CAD: variants seen among roughly 807,000 people sequenced by gnomAD.
The protein encoded by CAD is multifunctional protein CAD.
CAD carries 81 observed loss-of-function variants against 237.2 expected under a neutral mutation model. The ratio of observed to expected loss-of-function variants is 0.34; its 90% CI spans 0.29 to 0.41. CAD has a LOEUF of 0.41. Ranked by LOEUF, CAD falls within the 10% of genes least tolerant of loss-of-function variation. The pLI, the probability that CAD is intolerant of heterozygous loss-of-function variation, is 1.00. For synonymous variants in CAD, 1,196 were observed against 1,162.8 expected (o/e 1.03, Z -0.58); for missense variants, 2,181 against 2,951.7 (o/e 0.74, Z 6.05).
chr2:27,222,452 T>C, intron 4 of CAD, 67 bp from the exon 5 acceptor site: 4 of 1,560,676 alleles, frequency 2.6e-6, no homozygotes, highest in Non-Finnish European at 3.5e-6. Context: ...TAGGAGTTGG[T>C]GCAGGCATAT....
Position 27,233,559 on chromosome 2 carries a change from AC to A in CAD, c.3216+26del. On this transcript the variant is annotated intron_variant, in intron 20 of 43. Transcript: ENST00000264705. The surrounding 1 kb of genome is among the most constrained non-coding windows in gnomAD (Gnocchi z 6.3). ...GAGGTGGGCTGGGACCTGGTGGGTT[AC>A]CCGGAGGCTGGATGATGCTTGGGGG... 6.2e-7 allele frequency: 1 copy of A among 1,613,764 alleles called. No homozygotes were observed. Among genetic ancestry groups the A allele is most frequent in the Non-Finnish European group, 8.5e-7 (1 of 1,179,690 alleles).
At chr2:27,225,340 CTT>C in intron 11 of CAD, 97 bp downstream of exon 11, 1 of 687,268 alleles carries the variant, frequency 1.5e-6, no homozygotes, top group Non-Finnish European at 2.3e-6. Flanking sequence ...GAGTTTCGCT[CTT>C]GTTGCGCAGG....
intron 22 of CAD, 63 bp from the exon 23 acceptor site, chr2:27,234,455 G>C: frequency 4.6e-6 from 7 of 1,506,200 alleles, no homozygotes; most frequent in Non-Finnish European, 6.4e-6. Flanking sequence ...GAAGAGTCTA[G>C]GCCTATAGAT....
chr2:27,225,664 T>C (rs2148065874), intron 11 of CAD, 41 bp from the exon 12 acceptor site: 2 of 1,440,084 alleles, frequency 1.4e-6, no homozygotes, highest in Non-Finnish European at 2.0e-6. Flanking sequence ...CCTTGGACAG[T>C]AGGAAATAAC....
Position 27,217,436 on chromosome 2 carries a change from C to T in CAD, c.-116C>T, listed in dbSNP as rs1407236290. ...TGCCGCGCCCGGCTTCTCTCCAGCGCCCCGCGCCGTTAGCCACGTGGACCG... is the reference window on the plus strand; with the variant it reads ...TGCCGCGCCCGGCTTCTCTCCAGCGTCCCGCGCCGTTAGCCACGTGGACCG... On this transcript the variant is annotated 5_prime_UTR_variant, in exon 1 of 44. Transcript: ENST00000264705. The T allele has an allele frequency of 6.6e-6, 6 of 908,412 alleles. No individual in the cohort carries two copies. The highest frequency in any genetic ancestry group is 6.0e-5 in the Admixed American group (3 of 49,688). 56.3% of individuals were successfully genotyped at this position (908,412 alleles called of 1,614,324 possible).
In CAD at chr2:27,237,933, G is replaced by T. The variant is rs369275543; in HGVS notation, c.4728+51G>T. The T allele has an allele frequency of 1.3e-6, 2 of 1,576,266 alleles. No homozygotes were observed. Among genetic ancestry groups the T allele is most frequent in the African/African-American group, 2.7e-5 (2 of 74,172 alleles). On this transcript the variant is annotated intron_variant, in intron 29 of 43. Coordinates refer to ENST00000264705, the MANE Select transcript of CAD (RefSeq NM_004341.5). The surrounding 1 kb of genome is among the most constrained non-coding windows in gnomAD (Gnocchi z 4.0). The stretch of plus-strand genomic sequence containing the variant: ...GCCACCACCCAGTGTCTCCTGGCTT[G>T]TGGGCCCCTGCCTAAGTGGGCTGGT...
chr2:27,226,451 A>G, intron 13 of CAD, 74 bp from the exon 14 acceptor site: 2 of 1,570,970 alleles, frequency 1.3e-6, no homozygotes, highest in Non-Finnish European at 8.7e-7. Context: ...TTACTAGGTT[A>G]CTTTTCTCTC....
chr2:27,223,628 C>G lies in CAD; in HGVS notation c.875C>G (p.Ser292Cys). The change falls in exon 7 of 44, where the codon TCC becomes TGC. Residue 292 changes from serine (S) to cysteine (C), a missense_variant. By Grantham distance (112) the Ser-to-Cys change is moderately radical. Coordinates refer to ENST00000264705, the MANE Select transcript of CAD (RefSeq NM_004341.5). ...GGCTCTGGGCGCTGCTTTCTGACAT[C>G]CCAGAACCATGGGTTTGCTGTGGAG... ...LVGSGRCFLT[S>C]QNHGFAVETD... 1 of 1,613,998 alleles carries G rather than the reference C, an allele frequency of 6.2e-7. No individual in the cohort carries two copies. The highest frequency in any genetic ancestry group is 8.5e-7 in the Non-Finnish European group (1 of 1,180,028).
At position 27,224,000 on chromosome 2, in the gene CAD, C is replaced by T. The variant is rs1360559214; in HGVS notation, c.1079C>T (p.Ala360Val). The T allele has an allele frequency of 3.7e-6, 6 of 1,613,440 alleles. No homozygotes were observed. In the Admixed American group the frequency reaches 1.0e-4, roughly 27 times the overall value. Reference sequence around the variant, plus strand: ...ATCTTTCTGGAAACTGTGAAAGAGGCCACAGCTGGGAACCCTGGGGGCCAG... The same window carrying T: ...ATCTTTCTGGAAACTGTGAAAGAGGTCACAGCTGGGAACCCTGGGGGCCAG... ...FDIFLETVKEATAGNPGGQTV... is the reference protein window; with the variant it reads ...FDIFLETVKEVTAGNPGGQTV... Residue 360 changes from alanine (A) to valine (V), a missense_variant, in exon 8 of 44, where the codon GCC (alanine) becomes GTC (valine). By Grantham distance (64) the Ala-to-Val change is moderately conservative. Coordinates refer to ENST00000264705, the MANE Select transcript of CAD (RefSeq NM_004341.5).
chr2:27,224,211 G>A (rs544296506), intron 8 of CAD, 134 bp from the exon 9 acceptor site: 7 of 1,036,042 alleles, frequency 6.8e-6, no homozygotes, highest in Non-Finnish European at 1.0e-5. Context: ...AGGGTCCTGG[G>A]TTCTGGTCCT....
rs1675157842 is a variant in CAD at position 27,221,411 on chromosome 2, G to A, written c.352+64G>A. ...GCATGCCTGGATGGAAAGAATCAAG[G>A]TTTCTGTAATCTGCTGGGACCTGAC... On this transcript the variant is annotated intron_variant, in intron 3 of 43. Coordinates refer to ENST00000264705, the MANE Select transcript of CAD (RefSeq NM_004341.5). 4 of 1,362,868 alleles carry A rather than the reference G, an allele frequency of 2.9e-6. No homozygotes were observed. The Admixed American group carries it at 1.1e-4, about 36-fold the overall frequency. The allele number at this position is 1,362,868 out of a possible 1,614,324, so 84.4% of individuals were successfully genotyped here.
intron 2 of CAD, among the ~76,000 whole-genome samples, chr2:27,218,635 C>G (rs563640717): frequency 6.6e-6 from 1 of 152,244 alleles, no homozygotes; most frequent in Non-Finnish European, 1.5e-5. Flanking sequence ...GTCTGATTCT[C>G]TGCTTTTCAG....
Position 27,224,421 on chromosome 2 carries a change from G to T in CAD, c.1185G>T (p.Lys395Asn). Residue 395 changes from lysine to asparagine, a missense_variant, in exon 9 of 44, where the codon AAG becomes AAT. Coordinates refer to ENST00000264705, the MANE Select transcript of CAD (RefSeq NM_004341.5). ...TPGSGLPPPR[K>N]VLILGSGGLS... ...GCTCTGGACTTCCACCACCACGAAA[G>T]GTTCTGATCCTGGGCTCAGGGGGCC... 1 of 1,614,202 alleles carries T rather than the reference G, an allele frequency of 6.2e-7. No individual in the cohort carries two copies. The highest frequency in any genetic ancestry group is 8.5e-7 in the Non-Finnish European group (1 of 1,180,040).
chr2:27,233,158 T>G lies in CAD; in HGVS notation c.2991+18T>G, dbSNP rs764366888. The G allele has an allele frequency of 1.4e-5, 22 of 1,582,734 alleles. No homozygotes were observed. Among genetic ancestry groups the G allele is most frequent in the Non-Finnish European group, 1.9e-5 (22 of 1,151,362 alleles). On this transcript the variant is annotated intron_variant, in intron 19 of 43. Transcript: ENST00000264705. This position sits in a 1 kb window ranked among gnomAD's most constrained non-coding sequence, Gnocchi z 6.3. The stretch of plus-strand genomic sequence containing the variant: ...CTTTTGAGGTGAGGGAGATGGAGGC[T>G]TCCTGGTAGCTTGAGTGGCCAGGGT...
In CAD at chr2:27,239,564, T is replaced by C; in HGVS notation, c.5394+93T>C. The C allele has an allele frequency of 6.5e-7, 1 of 1,542,514 alleles. No individual in the cohort carries two copies. Among genetic ancestry groups the C allele is most frequent in the South Asian group, 1.2e-5 (1 of 85,498 alleles). On this transcript the variant is annotated intron_variant, in intron 33 of 43. Coordinates refer to ENST00000264705, the MANE Select transcript of CAD (RefSeq NM_004341.5). The surrounding 1 kb of genome is among the most constrained non-coding windows in gnomAD (Gnocchi z 4.0). The stretch of plus-strand genomic sequence containing the variant: ...CCAGCACATCTACACTGTCCCACTA[T>C]GTGCACCACTGCCCTGGACCAGGGG...
At chr2:27,227,049 C>G in intron 15 of CAD, 87 bp downstream of exon 15, 1 of 1,172,182 alleles carries the variant, frequency 8.5e-7, no homozygotes, top group Non-Finnish European at 1.3e-6. Context: ...TGGCCTTTTA[C>G]GTCCTATGGG....
At position 27,239,782 on chromosome 2, in the gene CAD, C is replaced by A; in HGVS notation, c.5480C>A (p.Thr1827Asn). ...VPQLPPSAPA[T>N]SEMTTTPERP... ...CAGCTCCCACCCTCAGCCCCTGCCACTAGTGAGATGACCACGGTATCCACA... is the reference window on the plus strand; with the variant it reads ...CAGCTCCCACCCTCAGCCCCTGCCAATAGTGAGATGACCACGGTATCCACA... Residue 1827 changes from threonine (T) to asparagine (N), a missense_variant, in exon 34 of 44, where the codon ACT becomes AAT. Physicochemically the swap from Thr to Asn is moderately conservative, Grantham distance 65. Transcript: ENST00000264705. This position sits in a 1 kb window ranked among gnomAD's most constrained non-coding sequence, Gnocchi z 4.0. 1 of 1,566,182 alleles carries A rather than the reference C, an allele frequency of 6.4e-7. No homozygotes were observed. The highest frequency in any genetic ancestry group is 8.7e-7 in the Non-Finnish European group (1 of 1,155,718).
In CAD at chr2:27,225,263, A is replaced by G. The variant is rs564731170; in HGVS notation, c.1620+20A>G. The G allele has an allele frequency of 1.1e-5, 16 of 1,462,942 alleles. No individual in the cohort carries two copies. The East Asian group carries it at 3.2e-4, about 29-fold the overall frequency. 90.6% of individuals were successfully genotyped at this position (1,462,942 alleles called of 1,614,324 possible). A position where few individuals can be genotyped will look rare whatever the true frequency, so the allele number is the denominator to read the frequency against. On this transcript the variant is annotated intron_variant, in intron 11 of 43. Coordinates refer to ENST00000264705, the MANE Select transcript of CAD (RefSeq NM_004341.5). Reference sequence around the variant, plus strand: ...GAACAGGTTGGAGGGGTGTTTGGGTAAAGGAAGAATGGTGGTGTTTTTTTT... The same window carrying G: ...GAACAGGTTGGAGGGGTGTTTGGGTGAAGGAAGAATGGTGGTGTTTTTTTT...
Position 27,222,906 on chromosome 2 carries a change from T to C in CAD, c.678T>C (p.Pro226=). 1.2e-6 allele frequency: 2 copies of C among 1,614,222 alleles called. No individual in the cohort carries two copies. Among genetic ancestry groups the C allele is most frequent in the Non-Finnish European group, 8.5e-7 (1 of 1,180,044 alleles). Residue 226 remains proline (P), a synonymous_variant, in exon 6 of 44, where the codon CCT becomes CCC. Transcript: ENST00000264705. ...GLFLSNGPGD[P]ASYPSVVSTL... Reference sequence around the variant, plus strand: ...TCTTAAGTAATGGGCCTGGTGACCCTGCCTCCTATCCCAGTGTCGTATCCA... The same window carrying C: ...TCTTAAGTAATGGGCCTGGTGACCCCGCCTCCTATCCCAGTGTCGTATCCA...
Sources: gnomAD v4.1 joint callset for allele counts (sites outside exome capture counted in the v4.1 genomes callset) on GRCh38, gnomAD v4.1.1 for gene constraint, Gnocchi (gnomAD v3.1) non-coding constraint, MANE v1.5 for transcripts, NCBI Gene and HGNC (gene_info 2026-07-23, HGNC 2026-07-21) for gene names.